The following PAFAH1B1 variants were observed in gnomAD, a reference collection of about 807,000 sequenced individuals.
PAFAH1B1 encodes platelet-activating factor acetylhydrolase IB subunit beta.
Under a neutral mutation model 57.5 loss-of-function variants are expected in PAFAH1B1, and 2 were observed. That is an observed-to-expected ratio of 0.03 (90% CI 0.01 to 0.11). The LOEUF (loss-of-function observed/expected upper bound fraction) is 0.11, where lower values mean the gene tolerates loss of function less well. Among genes scored for constraint, PAFAH1B1 ranks in the 10% least tolerant of loss-of-function variants. The pLI, the probability that PAFAH1B1 is intolerant of heterozygous loss-of-function variation, is 1.00. For synonymous variants in PAFAH1B1, 152 were observed against 169.6 expected, an observed-to-expected ratio of 0.90 and a Z score of 0.81; for missense variants, 257 against 512.0, an observed-to-expected ratio of 0.50 and a Z score of 4.81.
intron 8 of PAFAH1B1, among the ~76,000 whole-genome samples, chr17:2,675,071 G>A (rs543816472): frequency 3.7e-4 from 55 of 147,636 alleles, no homozygotes; most frequent in African/African-American, 1.1e-3. Flanking sequence ...GCGTGATCTC[G>A]GCTCACTGCA....
chr17:2,674,575 A>G (rs1157276687), intron 8 of PAFAH1B1, among the ~76,000 whole-genome samples: 1 of 152,236 alleles, frequency 6.6e-6, no homozygotes, highest in African/African-American at 2.4e-5. Context: ...CTCAATGTAA[A>G]ACAAAACCTG....
At chr17:2,643,624 A>C (rs1450083906) in intron 2 of PAFAH1B1, among the ~76,000 whole-genome samples, 1 of 149,920 alleles carries the variant, frequency 6.7e-6, no homozygotes, top group Non-Finnish European at 1.5e-5. Flanking sequence ...CAGTGGGGTG[A>C]TCTCAGCTCC....
At chr17:2,645,291 T>A (rs956169884) in intron 2 of PAFAH1B1, among the ~76,000 whole-genome samples, 3 of 151,912 alleles carry the variant, frequency 2.0e-5, no homozygotes, top group South Asian at 4.1e-4. Context: ...ATTTGTCTTA[T>A]AATAAGATTT....
At chr17:2,659,143 C>T (rs1217827630) in intron 2 of PAFAH1B1, among the ~76,000 whole-genome samples, 1 of 151,906 alleles carries the variant, frequency 6.6e-6, no homozygotes, top group East Asian at 1.9e-4. Flanking sequence ...CTCAGCTTCT[C>T]AGGAGGCTGA....
intron 1 of PAFAH1B1, among the ~76,000 whole-genome samples, chr17:2,608,187 C>T (rs1457931240): frequency 3.9e-5 from 6 of 152,104 alleles, no homozygotes; most frequent in South Asian, 2.1e-4. Flanking sequence ...CAGGTTCAAG[C>T]GATTGTCCTC....
rs1390600481 is a variant in PAFAH1B1, at chr17:2,621,605, GTCT to G, written c.-190-16492_-190-16490del. ...GCTATTCAAGCATGGTAGATAATCT[GTCT>G]TTTTTTTTTTTTTTTTTTTTTTTTT... On this transcript the variant is annotated intron_variant, in intron 1 of 10. Transcript: ENST00000397195. 1.1e-3 allele frequency among the ~76,000 whole-genome samples: 106 copies of G among 93,240 alleles called. 26 individuals carry two copies. The highest frequency in any genetic ancestry group is 0.014 in the Middle Eastern group (2 of 138). 61.2% of individuals were successfully genotyped at this position (93,240 alleles called of 152,430 possible).
intron 1 of PAFAH1B1, among the ~76,000 whole-genome samples, chr17:2,624,749 C>G (rs2068467004): frequency 6.6e-6 from 1 of 152,138 alleles, no homozygotes; most frequent in African/African-American, 2.4e-5. Context: ...CTCTGTGTTG[C>G]CCAGGCTAGT....
intron 2 of PAFAH1B1, 120 bp downstream of exon 2, chr17:2,638,440 A>G: frequency 1.3e-6 from 1 of 792,058 alleles, no homozygotes; most frequent in East Asian, 2.6e-5. Context: ...CAGTGTTCCA[A>G]TATTAGTTTA....
chr17:2,608,141 A>G (rs151134510), intron 1 of PAFAH1B1, among the ~76,000 whole-genome samples: 4 of 151,594 alleles, frequency 2.6e-5, no homozygotes, highest in Admixed American at 6.6e-5. Flanking sequence ...CTGGAGTGCA[A>G]TGGCACAATA....
intron 1 of PAFAH1B1, among the ~76,000 whole-genome samples, chr17:2,619,504 C>T (rs1321068556): frequency 6.6e-6 from 1 of 151,928 alleles, no homozygotes; most frequent in Admixed American, 6.6e-5. Flanking sequence ...GCTGGGTTTA[C>T]AGGTGTGAGC....
In PAFAH1B1 at chr17:2,594,015, G is replaced by A. The variant is rs2068054122; in HGVS notation, c.-191+9G>A. On this transcript the variant is annotated intron_variant, in intron 1 of 10. Coordinates refer to ENST00000397195, the MANE Select transcript of PAFAH1B1 (RefSeq NM_000430.4). ...GGCGGTGCAGCGCTCCGGTAAGGCG[G>A]CGCGGGTCTGCGCCCTCCCCTCTGT... 4 of 397,658 alleles carry A rather than the reference G, an allele frequency of 1.0e-5. No homozygotes were observed. The East Asian group carries it at 1.4e-4, about 14-fold the overall frequency. The allele number at this position is 397,658 out of a possible 1,614,324, so 24.6% of individuals were successfully genotyped here.
chr17:2,608,648 A>G (rs2068232316), intron 1 of PAFAH1B1, among the ~76,000 whole-genome samples: 1 of 152,204 alleles, frequency 6.6e-6, no homozygotes, highest in South Asian at 2.1e-4. Context: ...CAAAAAACAA[A>G]TTAACCGGAT....
chr17:2,629,138 G>A (rs1476860802), intron 1 of PAFAH1B1, among the ~76,000 whole-genome samples: 1 of 151,962 alleles, frequency 6.6e-6, no homozygotes, highest in Non-Finnish European at 1.5e-5. Context: ...CTTCTGCTGG[G>A]TTTGGGTTTG....
Position 2,605,871 on chromosome 17 carries a change from T to C in PAFAH1B1, c.-191+11865T>C, listed in dbSNP as rs78044053. The stretch of plus-strand genomic sequence containing the variant: ...TCAATAAATATTGTTATTATGGTGA[T>C]GATTGATGATGATTAAGATGAGGTG... On this transcript the variant is annotated intron_variant, in intron 1 of 10. Coordinates refer to ENST00000397195, the MANE Select transcript of PAFAH1B1 (RefSeq NM_000430.4). Among the ~76,000 whole-genome samples, 1,475 of 152,122 alleles carry C rather than the reference T, an allele frequency of 9.7e-3. 12 individuals carry two copies. Among genetic ancestry groups the C allele is most frequent in the Non-Finnish European group, 0.014 (977 of 68,010 alleles).
In PAFAH1B1 at chr17:2,663,936, G is replaced by T. The variant is rs970271173; in HGVS notation, c.33-1436G>T. ...TCTCGAGCTCCCGACCTCGTGATGC[G>T]CCCACCTCGGGCTCCCAAAGTGCTG... On this transcript the variant is annotated intron_variant, in intron 2 of 10. Coordinates refer to ENST00000397195, the MANE Select transcript of PAFAH1B1 (RefSeq NM_000430.4). Among the ~76,000 whole-genome samples the T allele has an allele frequency of 2.0e-5, 3 of 151,730 alleles. No homozygotes were observed. The South Asian group carries it at 6.3e-4, about 32-fold the overall frequency.
At chr17:2,601,813 A>C (rs2068147411) in intron 1 of PAFAH1B1, among the ~76,000 whole-genome samples, 2 of 152,136 alleles carry the variant, frequency 1.3e-5, no homozygotes, top group African/African-American at 4.8e-5. Flanking sequence ...TCCTAGCCTA[A>C]GCAAACTGCC....
At chr17:2,627,510 A>G (rs1409335539) in intron 1 of PAFAH1B1, among the ~76,000 whole-genome samples, 1 of 152,176 alleles carries the variant, frequency 6.6e-6, no homozygotes, top group Non-Finnish European at 1.5e-5. Context: ...GTATAGTTTG[A>G]AAGCAGATAG....
chr17:2,665,326 A>C, intron 2 of PAFAH1B1, 46 bp from the exon 3 acceptor site: 1 of 1,008,768 alleles, frequency 9.9e-7, no homozygotes, highest in Admixed American at 1.7e-5. Flanking sequence ...TCTTCAGAAT[A>C]GAAATGAGGT....
chr17:2,681,927 T>C lies in PAFAH1B1; in HGVS notation c.*125T>C. 1 of 697,892 alleles carries C rather than the reference T, an allele frequency of 1.4e-6. No individual in the cohort carries two copies. Among genetic ancestry groups the C allele is most frequent in the Non-Finnish European group, 2.4e-6 (1 of 412,536 alleles). The allele number at this position is 697,892 out of a possible 1,614,324, so 43.2% of individuals were successfully genotyped here. ...TCATGTAAATTATTCTGGATGTAGA[T>C]TGAGCTTATTAAATGTTACACACAA... is the stretch of plus-strand genomic sequence containing the variant. On this transcript the variant is annotated 3_prime_UTR_variant, in exon 11 of 11. Transcript: ENST00000397195.
Sources: allele counts gnomAD v4.1 joint callset (sites outside exome capture counted in the v4.1 genomes callset), GRCh38; gene constraint gnomAD v4.1.1; transcripts MANE v1.5; gene names NCBI Gene and HGNC (gene_info 2026-07-23, HGNC 2026-07-21).